CD109: variants seen among roughly 807,000 people sequenced by gnomAD.
CD109 encodes CD109 molecule.
A neutral mutation model predicts 165.8 loss-of-function variants in CD109; 149 were observed. That is an observed-to-expected ratio of 0.90 (90% confidence interval 0.79 to 1.03). The LOEUF (loss-of-function observed/expected upper bound fraction) is 1.03, where lower values mean the gene tolerates loss of function less well. Ranked by LOEUF, CD109 falls within the 50% of genes least tolerant of loss-of-function variation. The pLI, the probability that CD109 is intolerant of heterozygous loss-of-function variation, is 0.00. For missense variants in CD109, 1,712 were observed against 1,677.8 expected (o/e 1.02, Z -0.36); for synonymous variants, 585 against 592.1 (o/e 0.99, Z 0.18).
intron 23 of CD109, among the ~76,000 whole-genome samples, chr6:73,796,109 A>G (rs1775154985): frequency 6.6e-6 from 1 of 152,148 alleles, no homozygotes; most frequent in South Asian, 2.1e-4. Context: ...TTCAAGCATG[A>G]TTGCTCACTG....
rs1774413458 is a variant in CD109, at chr6:73,779,915, T to C, written c.1828-509T>C. ...ATCTCATTTTTGAAAAAACCGTATC[T>C]CATGGATGTTGTCATTTGCATTGCT... On this transcript the variant is annotated intron_variant, in intron 15 of 32. Coordinates refer to ENST00000287097, the MANE Select transcript of CD109 (RefSeq NM_133493.5). 2.0e-5 allele frequency among the ~76,000 whole-genome samples: 3 copies of C among 152,160 alleles called. No individual in the cohort carries two copies. The South Asian group carries it at 6.2e-4, about 32-fold the overall frequency.
intron 11 of CD109, among the ~76,000 whole-genome samples, chr6:73,766,537 A>G (rs113429745): frequency 1.3e-3 from 50 of 37,390 alleles, no homozygotes; most frequent in South Asian, 5.5e-3. Context: ...GTGTGTGTGT[A>G]TATATATATA....
chr6:73,766,644 G>T, intron 11 of CD109, 115 bp from the exon 12 acceptor site: 6 of 686,682 alleles, frequency 8.7e-6, no homozygotes, highest in South Asian at 1.9e-5. Context: ...TATTTTTCTT[G>T]CATTAAAAAA....
intron 9 of CD109, 121 bp from the exon 10 acceptor site, chr6:73,763,455 G>A: frequency 3.6e-6 from 2 of 562,326 alleles, no homozygotes; most frequent in Non-Finnish European, 3.2e-6. Flanking sequence ...ATGGGAATGA[G>A]GCTTATGTGC....
At chr6:73,790,654 GAGA>G (rs1481324743) in intron 22 of CD109, among the ~76,000 whole-genome samples, 1 of 152,148 alleles carries the variant, frequency 6.6e-6, no homozygotes, top group Non-Finnish European at 1.5e-5. Flanking sequence ...CCAGTCCTAG[GAGA>G]AGATGAGATG....
upstream of CD109, chr6:73,694,433 T>C (rs574586927): frequency 6.6e-6 from 1 of 152,282 alleles, no homozygotes; most frequent in East Asian, 1.9e-4. Context: ...TACAATGTGG[T>C]TCTAAGACTT....
intron 23 of CD109, among the ~76,000 whole-genome samples, chr6:73,794,103 A>G (rs1775068237): frequency 6.6e-6 from 1 of 152,180 alleles, no homozygotes; most frequent in South Asian, 2.1e-4. Flanking sequence ...AAATAATTCT[A>G]TGTAATGACA....
intron 2 of CD109, among the ~76,000 whole-genome samples, chr6:73,721,349 T>C (rs1771939872): frequency 6.6e-6 from 1 of 151,754 alleles, no homozygotes; most frequent in Non-Finnish European, 1.5e-5. Context: ...AAGTAGAAAA[T>C]GTAGTAATTT....
chr6:73,816,051 A>G (rs549626171), intron 30 of CD109, among the ~76,000 whole-genome samples: 1 of 152,280 alleles, frequency 6.6e-6, no homozygotes, highest in Non-Finnish European at 1.5e-5. Flanking sequence ...CTGGGTGTTC[A>G]TCCAGGTGGC....
chr6:73,806,077 G>T (rs1337000024), intron 24 of CD109, among the ~76,000 whole-genome samples: 1 of 152,088 alleles, frequency 6.6e-6, no homozygotes, highest in Non-Finnish European at 1.5e-5. Context: ...GTTTATTGCG[G>T]CACTATTCAC....
intron 2 of CD109, among the ~76,000 whole-genome samples, chr6:73,722,520 G>T (rs908117230): frequency 6.6e-5 from 10 of 152,134 alleles, no homozygotes; most frequent in Admixed American, 6.5e-4. Context: ...GACCCATTTG[G>T]CTTCCTGGAG....
intron 2 of CD109, among the ~76,000 whole-genome samples, chr6:73,707,031 C>T (rs1052438938): frequency 6.6e-6 from 1 of 152,172 alleles, no homozygotes; most frequent in African/African-American, 2.4e-5. Context: ...ATTTGGTGAC[C>T]ACATGAGGTT....
intron 23 of CD109, among the ~76,000 whole-genome samples, chr6:73,797,358 A>T (rs1174480181): frequency 6.6e-6 from 1 of 152,238 alleles, no homozygotes; most frequent in Non-Finnish European, 1.5e-5. Context: ...CTGCAGTTCA[A>T]CTTTTTAAAG....
At chr6:73,785,119 T>A (rs1774638648) in intron 19 of CD109, among the ~76,000 whole-genome samples, 1 of 152,194 alleles carries the variant, frequency 6.6e-6, no homozygotes, top group Non-Finnish European at 1.5e-5. Flanking sequence ...ATAATTTATG[T>A]GAAGTGTTTG....
At chr6:73,689,027 C>T in the CD109 span, among the ~76,000 whole-genome samples, 4 of 152,238 alleles carry the variant, frequency 2.6e-5, no homozygotes, top group African/African-American at 9.6e-5. Context: ...GCCTTGGCCT[C>T]CCAAAGTGCT....
chr6:73,732,169 T>C (rs1772387638), intron 4 of CD109, among the ~76,000 whole-genome samples: 1 of 152,210 alleles, frequency 6.6e-6, no homozygotes. Context: ...GGGAACCTCC[T>C]TAGTCTCAGG....
In CD109 at chr6:73,803,253, A is replaced by G. The variant is rs1227096191; in HGVS notation, c.2912A>G (p.Asp971Gly). Residue 971 changes from aspartate (D) to glycine (G), a missense_variant, in exon 24 of 33, where the codon GAT (aspartate) becomes GGT (glycine). Physicochemically the swap from Asp to Gly is moderately conservative, Grantham distance 94. Coordinates refer to ENST00000287097, the MANE Select transcript of CD109 (RefSeq NM_133493.5). ...YQRELLYQRE[D>G]GSFSAFGNYD... ...AGAGAACTTCTCTATCAGAGGGAAG[A>G]TGGCTCTTTCAGTGCTTTTGGGAAT... 8 of 1,611,078 alleles carry G rather than the reference A, an allele frequency of 5.0e-6. No individual in the cohort carries two copies. Among genetic ancestry groups the G allele is most frequent in the Non-Finnish European group, 3.4e-6 (4 of 1,179,130 alleles).
At chr6:73,698,456 A>G (rs1243169512) in intron 2 of CD109, among the ~76,000 whole-genome samples, 1 of 152,034 alleles carries the variant, frequency 6.6e-6, no homozygotes, top group Non-Finnish European at 1.5e-5. Flanking sequence ...AAGTGCTGGG[A>G]TTACAGTCCT....
chr6:73,714,668 T>G (rs765026195), intron 2 of CD109, among the ~76,000 whole-genome samples: 4 of 152,210 alleles, frequency 2.6e-5, no homozygotes, highest in East Asian at 1.9e-4. Context: ...GTTGGGAAAG[T>G]CTTTCGTTTT....
Sources: gnomAD v4.1 joint callset for allele counts (sites outside exome capture counted in the v4.1 genomes callset) on GRCh38, gnomAD v4.1.1 for gene constraint, MANE v1.5 for transcripts, NCBI Gene and HGNC (gene_info 2026-07-23, HGNC 2026-07-21) for gene names.